The following IGF2BP2 variants were observed in gnomAD, a reference collection of about 807,000 sequenced individuals.
IGF2BP2 encodes insulin like growth factor 2 mRNA binding protein 2.
In IGF2BP2, 17 loss-of-function variants were observed where a neutral mutation model predicts 75.8. The observed-to-expected ratio is 0.22, with a 90% CI of 0.15 to 0.34. The LOEUF (loss-of-function observed/expected upper bound fraction) is 0.34. Among genes scored for constraint, IGF2BP2 ranks in the 10% least tolerant of loss-of-function variants. The pLI, the probability that IGF2BP2 is intolerant of heterozygous loss-of-function variation, is 1.00. For synonymous variants in IGF2BP2, 288 were observed against 295.6 expected, an observed-to-expected ratio of 0.97 and a Z score of 0.26; for missense variants, 516 against 772.4, an observed-to-expected ratio of 0.67 and a Z score of 3.93.
Position 185,824,932 on chromosome 3 carries a change from A to T in IGF2BP2, c.29T>A (p.Leu10Gln). ...GTCGTCGGCGGTGACGGCGGGGCTC[A>T]GGTTCCCGATGTAAAGCTTGTTCAT... MMNKLYIGN[L>Q]SPAVTADDLR... The change falls in exon 1 of 16, where the codon CTG (leucine) becomes CAG (glutamine). Residue 10 changes from leucine (L) to glutamine (Q), a missense_variant. Around this residue, in one of 3 missense-constraint regions of IGF2BP2, gnomAD observed 312 missense variants for 474.5 expected, o/e 0.66. Coordinates refer to ENST00000382199, the MANE Select transcript of IGF2BP2 (RefSeq NM_006548.6). 1 of 1,556,470 alleles carries T rather than the reference A, an allele frequency of 6.4e-7. No homozygotes were observed.
chr3:185,743,832 C>A (rs965069245), intron 2 of IGF2BP2, among the ~76,000 whole-genome samples: 2 of 152,218 alleles, frequency 1.3e-5, no homozygotes, highest in Admixed American at 6.5e-5. Context: ...CGAATTAACA[C>A]AACCTCCTTC....
At chr3:185,818,693 G>A (rs185397862) in intron 2 of IGF2BP2, among the ~76,000 whole-genome samples, 5 of 152,254 alleles carry the variant, frequency 3.3e-5, no homozygotes, top group Admixed American at 6.5e-5. Flanking sequence ...TTTCATAGAG[G>A]ACTTGGAAGA....
At position 185,824,772 on chromosome 3, in the gene IGF2BP2, T is replaced by A. The variant is rs961461890; in HGVS notation, c.178+11A>T. 36 of 1,331,936 alleles carry A rather than the reference T, an allele frequency of 2.7e-5. No homozygotes were observed. The highest frequency in any genetic ancestry group is 3.3e-5 in the Non-Finnish European group (34 of 1,020,972). The allele number at this position is 1,331,936 out of a possible 1,614,324, so 82.5% of individuals were successfully genotyped here. A position where few individuals can be genotyped will look rare whatever the true frequency, so the allele number is the denominator to read the frequency against. The stretch of plus-strand genomic sequence containing the variant: ...GCGAGGCGGGGGGAGGGGGCCGCGC[T>A]GAGTGCTCACCCGAGAGGGTCTCGA... On this transcript the variant is annotated intron_variant, in intron 1 of 15. Coordinates refer to ENST00000382199, the MANE Select transcript of IGF2BP2 (RefSeq NM_006548.6).
chr3:185,761,496 A>C (rs1346345289), intron 2 of IGF2BP2, among the ~76,000 whole-genome samples: 1 of 152,200 alleles, frequency 6.6e-6, no homozygotes, highest in Non-Finnish European at 1.5e-5. Flanking sequence ...CAGGAGTGTG[A>C]AGAACCATCC....
At chr3:185,683,219 A>G (rs1035890670) in intron 7 of IGF2BP2, among the ~76,000 whole-genome samples, 8 of 152,202 alleles carry the variant, frequency 5.3e-5, no homozygotes, top group Non-Finnish European at 1.0e-4. Context: ...TTCTACCTAT[A>G]TGAGGTATGT....
At chr3:185,664,096 G>A (rs898237070) in intron 10 of IGF2BP2, among the ~76,000 whole-genome samples, 2 of 152,222 alleles carry the variant, frequency 1.3e-5, no homozygotes, top group Non-Finnish European at 2.9e-5. Flanking sequence ...AAGGTGCACT[G>A]CTCTATGCCA....
chr3:185,753,184 A>G (rs1731178411), intron 2 of IGF2BP2, among the ~76,000 whole-genome samples: 2 of 152,138 alleles, frequency 1.3e-5, no homozygotes, highest in South Asian at 4.1e-4. Flanking sequence ...CCAAGCATTC[A>G]CCTCTAGAAA....
intron 2 of IGF2BP2, among the ~76,000 whole-genome samples, chr3:185,761,394 G>A (rs1368227062): frequency 6.6e-6 from 1 of 152,180 alleles, no homozygotes; most frequent in Non-Finnish European, 1.5e-5. Flanking sequence ...GTATCACTCC[G>A]GGGCCCTGGG....
Position 185,799,006 on chromosome 3 carries a change from G to C in IGF2BP2, c.239+24147C>G, listed in dbSNP as rs550487460. ...GTCCAGGCTGGTCTCGAATTCCTAG[G>C]CTCAAGTGATCTTCCCGCCTCAGCC... is the stretch of plus-strand genomic sequence containing the variant. On this transcript the variant is annotated intron_variant, in intron 2 of 15. Coordinates refer to ENST00000382199, the MANE Select transcript of IGF2BP2 (RefSeq NM_006548.6). Among the ~76,000 whole-genome samples the C allele has an allele frequency of 2.6e-5, 4 of 151,760 alleles. No homozygotes were observed. The East Asian group carries it at 7.9e-4, about 30-fold the overall frequency.
Position 185,809,917 on chromosome 3 carries a change from T to C in IGF2BP2, c.239+13236A>G, listed in dbSNP as rs528172557. Among the ~76,000 whole-genome samples, 156 of 152,198 alleles carry C rather than the reference T, an allele frequency of 1.0e-3. 1 individual carries two copies. The highest frequency in any genetic ancestry group is 1.9e-3 in the Non-Finnish European group (132 of 68,040). On this transcript the variant is annotated intron_variant, in intron 2 of 15. Coordinates refer to ENST00000382199, the MANE Select transcript of IGF2BP2 (RefSeq NM_006548.6). ...AAGAAAAAACAAGACCCAGCTCTCA[T>C]GGAACTTCAAATTTTTTAAATTCAA...
At chr3:185,814,659 A>G (rs1740359701) in intron 2 of IGF2BP2, among the ~76,000 whole-genome samples, 1 of 152,204 alleles carries the variant, frequency 6.6e-6, no homozygotes, top group African/African-American at 2.4e-5. Context: ...AATTATATAA[A>G]ATTATGTTCT....
At chr3:185,668,526 T>TAC (rs938900709) in intron 10 of IGF2BP2, among the ~76,000 whole-genome samples, 6 of 148,312 alleles carry the variant, frequency 4.0e-5, no homozygotes, top group Admixed American at 6.7e-5. Context: ...TATATATATA[T>TAC]ATATATAGTG....
In IGF2BP2 at chr3:185,645,479, G is replaced by C; in HGVS notation, c.*52C>G. On this transcript the variant is annotated 3_prime_UTR_variant, in exon 16 of 16. Transcript: ENST00000382199. The surrounding 1 kb of genome is among the most constrained non-coding windows in gnomAD (Gnocchi z 4.9). ...GGCTGCGTTTGGTCTCATTCTGTCA[G>C]GTGTTGGAAGGGCTACATTCATCCG... 8.0e-7 allele frequency: 1 copy of C among 1,247,360 alleles called. No individual in the cohort carries two copies. The highest frequency in any genetic ancestry group is 1.2e-6 in the Non-Finnish European group (1 of 846,600). The allele number at this position is 1,247,360 out of a possible 1,614,324, so 77.3% of individuals were successfully genotyped here. A position where few individuals can be genotyped will look rare whatever the true frequency, so the allele number is the denominator to read the frequency against.
At chr3:185,725,660 A>G (rs1480925723) in intron 2 of IGF2BP2, among the ~76,000 whole-genome samples, 3 of 152,204 alleles carry the variant, frequency 2.0e-5, no homozygotes, top group Non-Finnish European at 4.4e-5. Context: ...TCTAAGAAGT[A>G]TCAAATGAGA....
chr3:185,768,578 A>T (rs1034052725), intron 2 of IGF2BP2, among the ~76,000 whole-genome samples: 3 of 152,236 alleles, frequency 2.0e-5, no homozygotes, highest in African/African-American at 7.2e-5. Context: ...TATAAAAATG[A>T]TATAAATTTT....
intron 15 of IGF2BP2, among the ~76,000 whole-genome samples, chr3:185,646,106 T>A (rs1713481910): frequency 6.6e-6 from 1 of 152,096 alleles, no homozygotes; most frequent in South Asian, 2.1e-4. Context: ...CCTAGCACTG[T>A]CCCTGCAGGC....
intron 3 of IGF2BP2, among the ~76,000 whole-genome samples, chr3:185,697,075 A>C (rs1422499501): frequency 2.0e-5 from 3 of 151,796 alleles, no homozygotes; most frequent in Non-Finnish European, 2.9e-5. Flanking sequence ...TATGTTTGAA[A>C]TGTTCCATAA....
At chr3:185,740,837 GC>G (rs1263595489) in intron 2 of IGF2BP2, among the ~76,000 whole-genome samples, 1 of 152,186 alleles carries the variant, frequency 6.6e-6, no homozygotes, top group Admixed American at 6.5e-5. Context: ...AAGAGTAGCT[GC>G]AAGTTGAGGA....
At chr3:185,686,294 GA>G (rs2149301891) in intron 7 of IGF2BP2, among the ~76,000 whole-genome samples, 1 of 151,746 alleles carries the variant, frequency 6.6e-6, no homozygotes, top group Non-Finnish European at 1.5e-5. Context: ...TGAGGCAGGA[GA>G]ATCACTTGAA....
Sources: allele counts gnomAD v4.1 joint callset (sites outside exome capture counted in the v4.1 genomes callset), GRCh38; gene constraint gnomAD v4.1.1; regional missense constraint gnomAD v4.1.1; non-coding constraint Gnocchi (gnomAD v3.1); transcripts MANE v1.5; gene names NCBI Gene and HGNC (gene_info 2026-07-23, HGNC 2026-07-21).